Variants in KLHL15 observed in about 807,000 individuals in gnomAD.
The protein encoded by KLHL15 is kelch-like protein 15.
In KLHL15, 1 loss-of-function variant was observed where a neutral mutation model predicts 29.3. The ratio of observed to expected loss-of-function variants is 0.03; its 90% CI spans 0.01 to 0.16. The LOEUF is 0.16. KLHL15 is among the 10% of genes least tolerant of loss of function. The pLI is 1.00. For missense variants in KLHL15, 215 were observed against 478.5 expected (o/e 0.45, Z 5.14); for synonymous variants, 212 against 184.5 (o/e 1.15, Z -1.21).
chrX:23,992,299 T>C (rs1929102778), intron 3 of KLHL15, among the ~76,000 whole-genome samples: 1 of 112,351 alleles, frequency 8.9e-6, no homozygotes, highest in Non-Finnish European at 1.9e-5. Flanking sequence ...ATGGTGCCTG[T>C]CGTGTGGCAG....
chrX:24,023,828 A>G (rs1414161653), intron 2 of KLHL15, among the ~76,000 whole-genome samples: 2 of 112,344 alleles, frequency 1.8e-5, no homozygotes. Context: ...AATGTTCTAT[A>G]CATTTCTAGA....
intron 3 of KLHL15, among the ~76,000 whole-genome samples, chrX:23,992,588 T>C (rs959716600): frequency 8.9e-6 from 1 of 112,093 alleles, no homozygotes; most frequent in Non-Finnish European, 1.9e-5. Flanking sequence ...GCTGCACATA[T>C]TGGATAGGCA....
At position 24,000,080 on chromosome X, in the gene KLHL15, G is replaced by A. The variant is rs757307982; in HGVS notation, c.705+5909C>T. ...TTAATTTAAGCAATTTCAAGTTCTA[G>A]CTGCATATTATCTGGTATCTGAAGG... is the stretch of plus-strand genomic sequence containing the variant. On this transcript the variant is annotated intron_variant, in intron 3 of 3. Transcript: ENST00000328046. 2.7e-5 allele frequency among the ~76,000 whole-genome samples: 3 copies of A among 112,307 alleles called. No homozygotes were observed. The South Asian group carries it at 1.1e-3, about 41-fold the overall frequency.
intron 3 of KLHL15, among the ~76,000 whole-genome samples, chrX:23,999,084 T>A (rs1929254174): frequency 9.1e-6 from 1 of 109,672 alleles, no homozygotes. Flanking sequence ...TTTATTTGTA[T>A]TTTTAGTAGA....
chrX:23,991,158 G>T (rs1224462863), intron 3 of KLHL15, among the ~76,000 whole-genome samples: 1 of 109,012 alleles, frequency 9.2e-6, no homozygotes, highest in Non-Finnish European at 1.9e-5. Context: ...TTCAAGACCA[G>T]CCTAGCCAAC....
Position 23,986,308 on chromosome X carries a change from CAAAA to C in KLHL15, c.*1609_*1612del. 9.1e-6 allele frequency: 1 copy of C among 110,306 alleles called. No individual in the cohort carries two copies. Among genetic ancestry groups the C allele is most frequent in the East Asian group, 2.8e-4 (1 of 3,542 alleles). 9.1% of individuals were successfully genotyped at this position (110,306 alleles called of 1,213,427 possible). A position where few individuals can be genotyped will look rare whatever the true frequency, so the allele number is the denominator to read the frequency against. ...AAAAACAAACAAACAAACAAAAAAA[CAAAA>C]AACACCAAACAAAGTGAAACTAGAA... is the stretch of plus-strand genomic sequence containing the variant. On this transcript the variant is annotated 3_prime_UTR_variant, in exon 4 of 4. Coordinates refer to ENST00000328046, the MANE Select transcript of KLHL15 (RefSeq NM_030624.3).
chrX:24,025,577 C>G (rs1256307375), intron 1 of KLHL15, among the ~76,000 whole-genome samples: 1 of 108,723 alleles, frequency 9.2e-6, no homozygotes, highest in Non-Finnish European at 1.9e-5. Context: ...GCCCCCCCCT[C>G]GGCCCCTGCT....
At chrX:24,001,993 C>T (rs931212834) in intron 3 of KLHL15, among the ~76,000 whole-genome samples, 4 of 107,059 alleles carry the variant, frequency 3.7e-5, no homozygotes, top group Non-Finnish European at 5.8e-5. Context: ...CTTAGCCGGG[C>T]GTGGTGGCGG....
intron 2 of KLHL15, among the ~76,000 whole-genome samples, chrX:24,021,730 G>C (rs905586255): frequency 8.1e-5 from 9 of 110,957 alleles, no homozygotes. Context: ...TTATTAGTAA[G>C]TTGTGAAGTT....
rs772691908 is a variant in KLHL15, at chrX:23,987,389, T to C, written c.*532A>G. ...CGGATAAGAGAAGGCAGCTTAGAAA[T>C]AGTGTTTTGAATATAAAAAGTTAAT... is the stretch of plus-strand genomic sequence containing the variant. On this transcript the variant is annotated 3_prime_UTR_variant, in exon 4 of 4. Coordinates refer to ENST00000328046, the MANE Select transcript of KLHL15 (RefSeq NM_030624.3). The C allele has an allele frequency of 8.9e-6, 1 of 112,583 alleles. No homozygotes were observed. Among genetic ancestry groups the C allele is most frequent in the African/African-American group, 3.2e-5 (1 of 30,975 alleles). 9.3% of individuals were successfully genotyped at this position (112,583 alleles called of 1,213,427 possible).
intron 2 of KLHL15, among the ~76,000 whole-genome samples, chrX:24,016,377 A>T (rs1418630076): frequency 1.2e-5 from 1 of 82,128 alleles, no homozygotes; most frequent in Admixed American, 1.4e-4. Flanking sequence ...AAGGGGGGGT[A>T]TACTTGGCCA....
At chrX:24,026,750 T>G (rs182563468) in intron 1 of KLHL15, among the ~76,000 whole-genome samples, 78 of 112,028 alleles carry the variant, frequency 7.0e-4, no homozygotes, top group Middle Eastern at 4.6e-3. Context: ...GTGGGAGAGA[T>G]AACACAATCA....
chrX:24,026,271 A>T (rs1182213124), intron 1 of KLHL15, among the ~76,000 whole-genome samples: 1 of 112,348 alleles, frequency 8.9e-6, no homozygotes, highest in Non-Finnish European at 1.9e-5. Flanking sequence ...TGCCGGATTT[A>T]AAAAAGCTGT....
At chrX:24,018,137 T>C (rs914201674) in intron 2 of KLHL15, among the ~76,000 whole-genome samples, 15 of 111,472 alleles carry the variant, frequency 1.3e-4, no homozygotes, top group Non-Finnish European at 2.4e-4. Flanking sequence ...ATTATATCAA[T>C]TTAAGGAAGA....
chrX:24,026,536 C>T (rs1411021908), intron 1 of KLHL15, among the ~76,000 whole-genome samples: 2 of 111,146 alleles, frequency 1.8e-5, no homozygotes, highest in Admixed American at 1.9e-4. Context: ...TTGCCCATAG[C>T]AGATCCTAAA....
In KLHL15 at chrX:23,988,462, T is replaced by C. The variant is rs1929022855; in HGVS notation, c.1274A>G (p.Asn425Ser). 8.3e-7 allele frequency: 1 copy of C among 1,211,450 alleles called. No homozygotes were observed. Among genetic ancestry groups the C allele is most frequent in the Non-Finnish European group, 1.1e-6 (1 of 895,267 alleles). The change falls in exon 4 of 4, where the codon AAT becomes AGT. Residue 425 changes from asparagine (N) to serine (S), a missense_variant. By Grantham distance (46) the Asn-to-Ser change is conservative (BLOSUM62 1). Transcript: ENST00000328046. ...TCCACCGGTGATAAACAATTTGTTATTGAGCACTGTCCCCTCATGTCCATA... is the reference window on the plus strand; with the variant it reads ...TCCACCGGTGATAAACAATTTGTTACTGAGCACTGTCCCCTCATGTCCATA... The part of the protein sequence containing the change: ...NKYGHEGTVL[N>S]NKLFITGGIT...
At chrX:24,000,980 G>A (rs184131374) in intron 3 of KLHL15, among the ~76,000 whole-genome samples, 9 of 111,926 alleles carry the variant, frequency 8.0e-5, no homozygotes, top group East Asian at 2.8e-4. Context: ...AATTTCACCC[G>A]GCCCAAAGTT....
At position 23,995,435 on chromosome X, in the gene KLHL15, A is replaced by G. The variant is rs920197831; in HGVS notation, c.706-6405T>C. 2.9e-5 allele frequency among the ~76,000 whole-genome samples: 3 copies of G among 104,082 alleles called. No individual in the cohort carries two copies. The East Asian group carries it at 9.1e-4, about 31-fold the overall frequency. 90.4% of individuals were successfully genotyped at this position (104,082 alleles called of 115,157 possible). ...AAAAAAAAAAAAAAAAAGGCTGGCT[A>G]AAAGCCTAAAATAATTCTAGACTGT... On this transcript the variant is annotated intron_variant, in intron 3 of 3. Coordinates refer to ENST00000328046, the MANE Select transcript of KLHL15 (RefSeq NM_030624.3).
At chrX:23,995,860 C>T (rs1355328235) in intron 3 of KLHL15, among the ~76,000 whole-genome samples, 1 of 111,731 alleles carries the variant, frequency 9.0e-6, no homozygotes, top group African/African-American at 3.3e-5. Flanking sequence ...AGTGATTCTC[C>T]TGCCTGTCTC....
Sources: gnomAD v4.1 joint callset for allele counts (sites outside exome capture counted in the v4.1 genomes callset) on GRCh38, gnomAD v4.1.1 for gene constraint, MANE v1.5 for transcripts, NCBI Gene and HGNC (gene_info 2026-07-23, HGNC 2026-07-21) for gene names.